Variants in EHBP1 observed in about 807,000 individuals in gnomAD.
EHBP1 encodes EH domain-binding protein 1.
A neutral mutation model predicts 144.0 loss-of-function variants in EHBP1; 55 were observed. The observed-to-expected ratio is 0.38, with a 90% CI of 0.31 to 0.48. The LOEUF (loss-of-function observed/expected upper bound fraction) is 0.48, where lower values mean the gene tolerates loss of function less well. Among genes scored for constraint, EHBP1 ranks in the 20% least tolerant of loss-of-function variants. EHBP1 has a pLI of 0.98. For synonymous variants in EHBP1, 469 were observed against 472.7 expected (o/e 0.99, Z 0.10); for missense variants, 1,200 against 1,364.2 (o/e 0.88, Z 1.90).
chr2:63,026,614 G>A (rs574149054), intron 19 of EHBP1, among the ~76,000 whole-genome samples: 1 of 152,244 alleles, frequency 6.6e-6, no homozygotes, highest in Admixed American at 6.5e-5. Context: ...ATAATCCAGT[G>A]CTAGGCAGAG....
chr2:62,723,307 A>AT (rs1015883970), intron 2 of EHBP1, among the ~76,000 whole-genome samples: 8 of 151,046 alleles, frequency 5.3e-5, no homozygotes, highest in African/African-American at 4.9e-5. Flanking sequence ...GCAACTTTTG[A>AT]TTTTTTTTCT....
At chr2:62,869,232 A>T (rs1351413568) in intron 9 of EHBP1, among the ~76,000 whole-genome samples, 1 of 152,210 alleles carries the variant, frequency 6.6e-6, no homozygotes, top group South Asian at 2.1e-4. Flanking sequence ...TTTAGAAAAA[A>T]GTTTGGCAGT....
intron 10 of EHBP1, among the ~76,000 whole-genome samples, chr2:62,918,820 A>G (rs956359362): frequency 1.3e-5 from 2 of 152,204 alleles, no homozygotes; most frequent in African/African-American, 4.8e-5. Flanking sequence ...GTTTTTAAGG[A>G]GGTAGAGGAT....
At chr2:62,734,176 G>T (rs2037881700) in intron 2 of EHBP1, among the ~76,000 whole-genome samples, 1 of 151,074 alleles carries the variant, frequency 6.6e-6, no homozygotes. Flanking sequence ...GTATAACTTT[G>T]TTTATGTTGT....
At chr2:62,700,258 A>T (rs1326016790) in intron 1 of EHBP1, among the ~76,000 whole-genome samples, 2 of 152,222 alleles carry the variant, frequency 1.3e-5, no homozygotes, top group Non-Finnish European at 1.5e-5. Context: ...TAACAGGCAT[A>T]AATCTCAATC....
intron 2 of EHBP1, among the ~76,000 whole-genome samples, chr2:62,746,597 T>C (rs1191447338): frequency 1.3e-5 from 2 of 152,036 alleles, no homozygotes; most frequent in Non-Finnish European, 2.9e-5. Context: ...AATCTTGATG[T>C]TTTTCATAAG....
chr2:62,742,043 T>C lies in EHBP1; in HGVS notation c.105-5352T>C, dbSNP rs188910243. Among the ~76,000 whole-genome samples, 595 of 152,260 alleles carry C rather than the reference T, an allele frequency of 3.9e-3. 7 individuals carry two copies. Among genetic ancestry groups the C allele is most frequent in the Non-Finnish European group, 2.8e-3 (191 of 68,018 alleles). On this transcript the variant is annotated intron_variant, in intron 2 of 22. Coordinates refer to ENST00000431489, the MANE Select transcript of EHBP1 (RefSeq NM_001142616.3). Reference sequence around the variant, plus strand: ...ATACACAAATACTTAACCATTATGTTAAAATTACCTACAGTATTCAATACA... The same window carrying C: ...ATACACAAATACTTAACCATTATGTCAAAATTACCTACAGTATTCAATACA...
intron 5 of EHBP1, among the ~76,000 whole-genome samples, chr2:62,821,880 G>A (rs750419495): frequency 4.6e-5 from 7 of 151,800 alleles, no homozygotes; most frequent in South Asian, 2.1e-4. Context: ...ATGTTTCTGG[G>A]GTACATGAGA....
chr2:63,037,266 T>G (rs1394306992), intron 19 of EHBP1, among the ~76,000 whole-genome samples: 1 of 151,998 alleles, frequency 6.6e-6, no homozygotes, highest in Non-Finnish European at 1.5e-5. Context: ...TAGGGAGAAT[T>G]TAAAAGGTAG....
intron 15 of EHBP1, among the ~76,000 whole-genome samples, chr2:62,981,946 G>A (rs1471166568): frequency 6.6e-6 from 1 of 152,094 alleles, no homozygotes; most frequent in African/African-American, 2.4e-5. Context: ...GATGTTGGAA[G>A]CAGCTACATA....
chr2:62,830,561 C>T (rs2046756985), intron 6 of EHBP1, among the ~76,000 whole-genome samples: 1 of 152,070 alleles, frequency 6.6e-6, no homozygotes, highest in South Asian at 2.1e-4. Context: ...TTGTTGGATG[C>T]ATAGTTTGTG....
At chr2:62,921,340 G>A (rs2055061000) in intron 10 of EHBP1, among the ~76,000 whole-genome samples, 1 of 152,072 alleles carries the variant, frequency 6.6e-6, no homozygotes, top group Admixed American at 6.5e-5. Context: ...AGCTGCTCAG[G>A]AGGCTGAGGT....
At chr2:62,704,559 A>G (rs892490562), upstream of EHBP1, among the ~76,000 whole-genome samples, 1 of 151,958 alleles carries the variant, frequency 6.6e-6, no homozygotes, top group African/African-American at 2.4e-5. Flanking sequence ...CTTTCTTTTT[A>G]TGTTAGCTTG....
chr2:62,789,400 CTGAG>C (rs1212785398), intron 5 of EHBP1, among the ~76,000 whole-genome samples: 10 of 152,092 alleles, frequency 6.6e-5, no homozygotes. Context: ...TTAAGTTTAG[CTGAG>C]TGTTTTAAAA....
At chr2:62,722,026 T>C (rs1421947823) in intron 2 of EHBP1, among the ~76,000 whole-genome samples, 2 of 152,220 alleles carry the variant, frequency 1.3e-5, no homozygotes, top group Admixed American at 6.5e-5. Flanking sequence ...TCAATCTCTC[T>C]TAAGCTATTT....
chr2:62,929,550 A>G (rs750810332), intron 10 of EHBP1, among the ~76,000 whole-genome samples: 30 of 152,200 alleles, frequency 2.0e-4, no homozygotes, highest in Non-Finnish European at 3.8e-4. Flanking sequence ...AAAATTAAAC[A>G]TACTAGGAAT....
intron 1 of EHBP1, among the ~76,000 whole-genome samples, chr2:62,684,960 AAC>A (rs2033669617): frequency 6.6e-6 from 1 of 152,206 alleles, no homozygotes; most frequent in Non-Finnish European, 1.5e-5. Context: ...TGTGGAATCC[AAC>A]ACAGTTGAAC....
chr2:62,890,282 A>G (rs959707950), intron 10 of EHBP1, among the ~76,000 whole-genome samples: 2 of 152,124 alleles, frequency 1.3e-5, no homozygotes, highest in African/African-American at 4.8e-5. Context: ...GAAGAATGTC[A>G]TTGGTAGTTT....
chr2:62,771,380 T>C lies in EHBP1; in HGVS notation c.300T>C (p.Phe100=), dbSNP rs1407818859. 2 of 1,593,566 alleles carry C rather than the reference T, an allele frequency of 1.3e-6. No homozygotes were observed. The highest frequency in any genetic ancestry group is 2.3e-5 in the East Asian group (1 of 43,784). The change falls in exon 5 of 23, where the codon TTT becomes TTC. Residue 100 remains phenylalanine (F), a synonymous_variant. Coordinates refer to ENST00000431489, the MANE Select transcript of EHBP1 (RefSeq NM_001142616.3). The stretch of plus-strand genomic sequence containing the variant: ...AATTTGAAGACAAAGAGTGGACATT[T>C]GTCATAGAAAATGTAAGCTAATGGC... ...AEEFEDKEWT[F]VIENESPSGR... is the part of the protein sequence containing the mutation.
Sources: allele counts gnomAD v4.1 joint callset (sites outside exome capture counted in the v4.1 genomes callset), GRCh38; gene constraint gnomAD v4.1.1; transcripts MANE v1.5; gene names NCBI Gene and HGNC (gene_info 2026-07-23, HGNC 2026-07-21).